Variants in MAPKAP1 observed in about 807,000 individuals in gnomAD.
The protein encoded by MAPKAP1 is MAPK associated protein 1.
MAPKAP1 carries 20 observed loss-of-function variants against 65.7 expected under a neutral mutation model. That is an observed-to-expected ratio of 0.30 (90% CI 0.21 to 0.44). The LOEUF is 0.44. Ranked by LOEUF, MAPKAP1 falls within the 20% of genes least tolerant of loss-of-function variation. The pLI, the probability that MAPKAP1 is intolerant of heterozygous loss-of-function variation, is 1.00. For missense variants in MAPKAP1, 423 were observed against 648.0 expected, an observed-to-expected ratio of 0.65 and a Z score of 3.77; for synonymous variants, 222 against 244.3, an observed-to-expected ratio of 0.91 and a Z score of 0.85.
At chr9:125,643,770 T>A (rs1268622406) in intron 4 of MAPKAP1, among the ~76,000 whole-genome samples, 6 of 152,186 alleles carry the variant, frequency 3.9e-5, no homozygotes, top group African/African-American at 1.4e-4. Context: ...GACATATATA[T>A]AATTAGGCTT....
chr9:125,579,655 A>G (rs1381216497), intron 5 of MAPKAP1, among the ~76,000 whole-genome samples: 1 of 152,194 alleles, frequency 6.6e-6, no homozygotes, highest in East Asian at 1.9e-4. Context: ...GCCACTCTTC[A>G]TGTGCATCCA....
chr9:125,625,903 C>A (rs757469908), intron 4 of MAPKAP1, among the ~76,000 whole-genome samples: 1 of 152,208 alleles, frequency 6.6e-6, no homozygotes, highest in Non-Finnish European at 1.5e-5. Context: ...AATCCTTCTT[C>A]TGTCTGAAAA....
intron 5 of MAPKAP1, chr9:125,568,994 T>TAAGGCTAGTCTAA (rs1831147544): frequency 5.7e-6 from 1 of 175,990 alleles, no homozygotes; most frequent in Admixed American, 6.2e-5. Context: ...AGTCTTAAGC[T>TAAGGCTAGTCTAA]GGTGTATTTT....
At position 125,479,973 on chromosome 9, in the gene MAPKAP1, A is replaced by G. The variant is rs117311567; in HGVS notation, c.1207+4470T>C. On this transcript the variant is annotated intron_variant, in intron 9 of 11. Transcript: ENST00000265960. The stretch of plus-strand genomic sequence containing the variant: ...TGAAGCACCTGGCTAGTCAGGTGAA[A>G]TAAAATAAATTATTTACTCGTCTCA... Among the ~76,000 whole-genome samples, 754 of 152,344 alleles carry G rather than the reference A, an allele frequency of 4.9e-3. 2 individuals are homozygous for G. Among genetic ancestry groups the G allele is most frequent in the Non-Finnish European group, 6.2e-3 (425 of 68,038 alleles).
At chr9:125,641,712 C>A (rs1164213375) in intron 4 of MAPKAP1, among the ~76,000 whole-genome samples, 1 of 150,184 alleles carries the variant, frequency 6.7e-6, no homozygotes, top group Non-Finnish European at 1.5e-5. Flanking sequence ...TCAAGACCAG[C>A]CTAGGGAAAT....
intron 10 of MAPKAP1, among the ~76,000 whole-genome samples, chr9:125,452,344 A>G (rs1408159547): frequency 6.6e-6 from 1 of 151,484 alleles, no homozygotes; most frequent in Non-Finnish European, 1.5e-5. Context: ...AGTGATCTGC[A>G]TACCTCGGCC....
intron 4 of MAPKAP1, among the ~76,000 whole-genome samples, chr9:125,643,463 G>A (rs1833637583): frequency 6.6e-6 from 1 of 152,172 alleles, no homozygotes; most frequent in African/African-American, 2.4e-5. Context: ...CTAAAATGCT[G>A]GGATGACAGG....
intron 4 of MAPKAP1, among the ~76,000 whole-genome samples, chr9:125,621,290 AAAAC>A (rs766790423): frequency 8.1e-4 from 123 of 152,008 alleles, no homozygotes; most frequent in Non-Finnish European, 1.5e-3. Flanking sequence ...AACAAAAACA[AAAAC>A]AAACCACAAA....
intron 1 of MAPKAP1, among the ~76,000 whole-genome samples, chr9:125,696,950 G>C (rs905300149): frequency 6.6e-6 from 1 of 152,086 alleles, no homozygotes; most frequent in Admixed American, 6.6e-5. Context: ...ATCTACCAAA[G>C]GCCAACCTCA....
At chr9:125,514,542 G>A (rs890277265) in intron 7 of MAPKAP1, among the ~76,000 whole-genome samples, 31 of 152,174 alleles carry the variant, frequency 2.0e-4, no homozygotes, top group African/African-American at 7.0e-4. Context: ...GGACCTGAGA[G>A]ACTGAGGAAC....
At chr9:125,462,132 G>A (rs1419258005) in intron 10 of MAPKAP1, among the ~76,000 whole-genome samples, 1 of 152,238 alleles carries the variant, frequency 6.6e-6, no homozygotes, top group Admixed American at 6.5e-5. Context: ...GCGCACATGC[G>A]TGTGTTCTCT....
intron 7 of MAPKAP1, among the ~76,000 whole-genome samples, chr9:125,527,065 T>G (rs1564543213): frequency 2.5e-5 from 1 of 40,670 alleles, no homozygotes; most frequent in Non-Finnish European, 7.2e-5. Flanking sequence ...TAGTGTTTTT[T>G]TTGTTTGTTT....
intron 4 of MAPKAP1, among the ~76,000 whole-genome samples, chr9:125,610,496 G>A (rs1414221718): frequency 6.6e-6 from 1 of 152,142 alleles, no homozygotes; most frequent in Non-Finnish European, 1.5e-5. Context: ...GTGACATGAA[G>A]TGTCAGTTTT....
chr9:125,442,129 A>C (rs1168533475), intron 11 of MAPKAP1, among the ~76,000 whole-genome samples: 2 of 46,572 alleles, frequency 4.3e-5, no homozygotes, highest in African/African-American at 2.9e-4. Flanking sequence ...ACTCTGTCTC[A>C]AAAAAAAAAA....
At chr9:125,505,967 G>A (rs750019108) in intron 8 of MAPKAP1, 20 of 295,530 alleles carry the variant, frequency 6.8e-5, no homozygotes, top group Non-Finnish European at 1.2e-4. Flanking sequence ...TCTGAATAGT[G>A]ATACTGACAG....
intron 1 of MAPKAP1, among the ~76,000 whole-genome samples, chr9:125,698,299 ATATATATATATATATAT>A (rs1835473986): frequency 7.5e-5 from 1 of 13,368 alleles, no homozygotes; most frequent in Non-Finnish European, 1.5e-4. Flanking sequence ...ATATATATAT[ATATATATATATATATAT>A]ATATATATAT....
intron 4 of MAPKAP1, among the ~76,000 whole-genome samples, chr9:125,638,557 T>C (rs1026980714): frequency 3.3e-5 from 5 of 152,234 alleles, no homozygotes; most frequent in Non-Finnish European, 5.9e-5. Context: ...TTAATATTTT[T>C]CTGCTTTTTC....
intron 10 of MAPKAP1, among the ~76,000 whole-genome samples, chr9:125,454,287 TC>T (rs2132951012): frequency 6.6e-6 from 1 of 152,358 alleles, no homozygotes; most frequent in South Asian, 2.1e-4. Context: ...ATTCTTCAGC[TC>T]TTAGAGAAGT....
chr9:125,639,560 T>C (rs1354411775), intron 4 of MAPKAP1, among the ~76,000 whole-genome samples: 3 of 152,152 alleles, frequency 2.0e-5, no homozygotes, highest in Non-Finnish European at 2.9e-5. Context: ...TAATACCTAC[T>C]GAACACTATG....
Sources: allele counts gnomAD v4.1 joint callset (sites outside exome capture counted in the v4.1 genomes callset), GRCh38; gene constraint gnomAD v4.1.1; transcripts MANE v1.5; gene names NCBI Gene and HGNC (gene_info 2026-07-23, HGNC 2026-07-21).